The following DHX9 variants were observed in gnomAD, a reference collection of about 807,000 sequenced individuals.
DHX9 encodes ATP-dependent RNA helicase A.
In DHX9, 27 loss-of-function variants were observed where a neutral mutation model predicts 148.7. The ratio of observed to expected loss-of-function variants is 0.18; its 90% CI spans 0.13 to 0.25. DHX9 has a LOEUF of 0.25. Among genes scored for constraint, DHX9 ranks in the 10% least tolerant of loss-of-function variants. The pLI is 1.00. For missense variants in DHX9, 796 were observed against 1,559.6 expected (o/e 0.51, Z 8.25); for synonymous variants, 529 against 516.6 (o/e 1.02, Z -0.33).
At chr1:182,886,009 G>A (rs1649305113) in intron 27 of DHX9, among the ~76,000 whole-genome samples, 1 of 152,174 alleles carries the variant, frequency 6.6e-6, no homozygotes, top group Non-Finnish European at 1.5e-5. Context: ...AGTTTAGGAT[G>A]TATGAATATG....
At chr1:182,862,592 A>G (rs563785467) in intron 12 of DHX9, among the ~76,000 whole-genome samples, 78 of 152,318 alleles carry the variant, frequency 5.1e-4, no homozygotes, top group African/African-American at 1.8e-3. Flanking sequence ...GAAGATAGAG[A>G]TAGTGGAGCC....
At chr1:182,867,068 A>G (rs1648324979) in intron 14 of DHX9, 25 bp downstream of exon 14, 1 of 1,448,736 alleles carries the variant, frequency 6.9e-7, no homozygotes, top group African/African-American at 1.4e-5. Context: ...AGGTACAGTA[A>G]GGTACTTAAT....
At chr1:182,873,016 CACTCACTTG>C (rs1490076298) in intron 15 of DHX9, among the ~76,000 whole-genome samples, 3 of 152,132 alleles carry the variant, frequency 2.0e-5, no homozygotes, top group Non-Finnish European at 4.4e-5. Context: ...TGTAGTGGTG[CACTCACTTG>C]GCTCACTGCA....
chr1:182,845,197 A>G (rs1490004598), intron 3 of DHX9, among the ~76,000 whole-genome samples: 1 of 152,224 alleles, frequency 6.6e-6, no homozygotes, highest in Non-Finnish European at 1.5e-5. Context: ...GATCATCTTA[A>G]AAATGCCTTC....
chr1:182,840,616 T>A (rs1443080157), intron 1 of DHX9, among the ~76,000 whole-genome samples: 1 of 152,128 alleles, frequency 6.6e-6, no homozygotes, highest in African/African-American at 2.4e-5. Context: ...GCTCTTATAA[T>A]TAGGAGCTCT....
intron 3 of DHX9, among the ~76,000 whole-genome samples, chr1:182,845,101 G>A (rs1448811783): frequency 6.6e-6 from 1 of 152,092 alleles, no homozygotes; most frequent in Admixed American, 6.5e-5. Context: ...CTTACTTTCC[G>A]GTAGATTAAC....
chr1:182,882,342 A>G (rs1031058989), intron 24 of DHX9, among the ~76,000 whole-genome samples: 1 of 152,198 alleles, frequency 6.6e-6, no homozygotes, highest in African/African-American at 2.4e-5. Context: ...GTCTAGAACA[A>G]AATATGTCTG....
intron 6 of DHX9, among the ~76,000 whole-genome samples, chr1:182,856,004 C>G (rs1668244149): frequency 6.6e-6 from 1 of 152,220 alleles, no homozygotes; most frequent in South Asian, 2.1e-4. Flanking sequence ...AGGGCTGCTT[C>G]CAACTGCAGG....
chr1:182,862,983 G>A (rs1557971726), intron 12 of DHX9, among the ~76,000 whole-genome samples: 1 of 152,154 alleles, frequency 6.6e-6, no homozygotes, highest in Non-Finnish European at 1.5e-5. Context: ...TACTACTATG[G>A]CTGGACTCCA....
intron 12 of DHX9, among the ~76,000 whole-genome samples, chr1:182,865,647 T>C (rs1050962557): frequency 6.6e-6 from 1 of 152,194 alleles, no homozygotes; most frequent in Non-Finnish European, 1.5e-5. Context: ...GGTGATAGTA[T>C]ACACAAGCAA....
At chr1:182,857,356 T>G (rs990360449) in intron 7 of DHX9, among the ~76,000 whole-genome samples, 4 of 152,186 alleles carry the variant, frequency 2.6e-5, no homozygotes, top group Non-Finnish European at 4.4e-5. Flanking sequence ...AGAGGAAACT[T>G]TCTGTTAATA....
intron 12 of DHX9, among the ~76,000 whole-genome samples, chr1:182,865,212 A>G (rs1648241522): frequency 6.6e-6 from 1 of 152,360 alleles, no homozygotes; most frequent in South Asian, 2.1e-4. Flanking sequence ...TAACATTTTC[A>G]CATTCCTTAA....
chr1:182,859,595 AGATG>A (rs1267257195), intron 11 of DHX9, among the ~76,000 whole-genome samples: 1 of 152,118 alleles, frequency 6.6e-6, no homozygotes, highest in African/African-American at 2.4e-5. Flanking sequence ...GTTTTTATAG[AGATG>A]GAAGTTTGGT....
Position 182,883,141 on chromosome 1 carries a change from T to C in DHX9, c.2917T>C (p.Cys973Arg), listed in dbSNP as rs771637105. ...TTTCACTGTGCTCCTCTTAACAGAT[T>C]GTTTGTTGACACAAGTGTTTACTAA... The part of the protein sequence containing the change: ...ILINSGFPED[C>R]LLTQVFTNTG... Residue 973 changes from cysteine to arginine, a missense_variant and splice_region_variant, in exon 25 of 28, where the codon TGT becomes CGT. This residue lies in a region of DHX9 where 122 missense variants were observed against 289.3 expected (regional missense o/e 0.42). Coordinates refer to ENST00000367549, the MANE Select transcript of DHX9 (RefSeq NM_001357.5). The C allele has an allele frequency of 6.2e-7, 1 of 1,612,300 alleles. No homozygotes were observed. Among genetic ancestry groups the C allele is most frequent in the Non-Finnish European group, 8.5e-7 (1 of 1,178,456 alleles).
chr1:182,879,120 C>T (rs1411883945), intron 20 of DHX9, 130 bp from the exon 21 acceptor site: 5 of 690,304 alleles, frequency 7.2e-6, no homozygotes, highest in Admixed American at 3.1e-5. Context: ...ATAAAAGGTC[C>T]GATGGTAATT....
At chr1:182,862,865 C>T (rs1484841422) in intron 12 of DHX9, among the ~76,000 whole-genome samples, 2 of 152,164 alleles carry the variant, frequency 1.3e-5, no homozygotes, top group African/African-American at 4.8e-5. Flanking sequence ...GTTAGTTACC[C>T]AGTACCTGGT....
intron 26 of DHX9, among the ~76,000 whole-genome samples, chr1:182,883,963 A>G (rs987874194): frequency 3.3e-5 from 5 of 152,292 alleles, no homozygotes; most frequent in Admixed American, 3.3e-4. Context: ...CAGCCATCAT[A>G]TTCTTGAAAA....
At chr1:182,856,709 G>A (rs1010623603) in intron 7 of DHX9, 131 bp downstream of exon 7, 24 of 684,134 alleles carry the variant, frequency 3.5e-5, no homozygotes, top group African/African-American at 3.5e-4. Flanking sequence ...AGCATCTAGG[G>A]TATATTTTAG....
At chr1:182,866,660 T>A (rs1648309651) in intron 13 of DHX9, 75 bp downstream of exon 13, 1 of 1,482,502 alleles carries the variant, frequency 6.7e-7, no homozygotes, top group Non-Finnish European at 9.1e-7. Flanking sequence ...CAGAACAGAA[T>A]GACTGGAAAG....
Sources: allele counts gnomAD v4.1 joint callset (sites outside exome capture counted in the v4.1 genomes callset), GRCh38; gene constraint gnomAD v4.1.1; regional missense constraint gnomAD v4.1.1; transcripts MANE v1.5; gene names NCBI Gene and HGNC (gene_info 2026-07-23, HGNC 2026-07-21).